The following ANO10 variants were observed in gnomAD, a reference collection of about 807,000 sequenced individuals.
ANO10 encodes the protein anoctamin 10, also known as anoctamin-10.
A neutral mutation model predicts 74.7 loss-of-function variants in ANO10; 77 were observed. The ratio of observed to expected loss-of-function variants is 1.03; its 90% CI spans 0.86 to 1.25. The LOEUF (loss-of-function observed/expected upper bound fraction) is 1.25, where lower values mean the gene tolerates loss of function less well. ANO10 is among the 50% of genes most tolerant of loss of function. The pLI, the probability that ANO10 is intolerant of heterozygous loss-of-function variation, is 0.00. For synonymous variants in ANO10, 279 were observed against 284.9 expected, an observed-to-expected ratio of 0.98 and a Z score of 0.21; for missense variants, 721 against 778.1, an observed-to-expected ratio of 0.93 and a Z score of 0.87.
chr3:43,669,765 C>A (rs186159204), intron 1 of ANO10, among the ~76,000 whole-genome samples: 364 of 152,002 alleles, frequency 2.4e-3, no homozygotes, highest in Non-Finnish European at 3.8e-3. Flanking sequence ...TTTTGCTCAT[C>A]GCCCAGGCCA....
intron 1 of ANO10, among the ~76,000 whole-genome samples, chr3:43,628,385 TCTTTA>T (rs2083512591): frequency 6.6e-6 from 1 of 152,232 alleles, no homozygotes; most frequent in Non-Finnish European, 1.5e-5. Flanking sequence ...CCTATGCCTG[TCTTTA>T]CTTTAATTTC....
chr3:43,615,820 A>C (rs545378986), intron 1 of ANO10, among the ~76,000 whole-genome samples: 1 of 151,834 alleles, frequency 6.6e-6, no homozygotes, highest in African/African-American at 2.4e-5. Context: ...CGCCCAGCTA[A>C]GTTTTTGTAT....
chr3:43,688,149 TTCTC>T (rs577381790), intron 1 of ANO10, among the ~76,000 whole-genome samples: 4 of 151,740 alleles, frequency 2.6e-5, no homozygotes, highest in Non-Finnish European at 4.4e-5. Context: ...AATGGTCTCT[TTCTC>T]TCTTTTTTTC....
At chr3:43,580,129 T>A (rs1575474772) in intron 5 of ANO10, among the ~76,000 whole-genome samples, 1 of 140,798 alleles carries the variant, frequency 7.1e-6, no homozygotes, top group Admixed American at 7.5e-5. Context: ...TGTGACATAG[T>A]GAGACCCTAT....
intron 11 of ANO10, among the ~76,000 whole-genome samples, chr3:43,471,260 A>G (rs144657214): frequency 6.6e-6 from 1 of 152,334 alleles, no homozygotes; most frequent in East Asian, 1.9e-4. Context: ...AAACAGAAAC[A>G]TTAGGAAAAA....
chr3:43,366,843 A>G lies in ANO10; in HGVS notation c.*63T>C, dbSNP rs9874335. ...TGCTGCCCCGGGTACCCCCCCTGCC[A>G]CCGTGGCAGGTGTGGCACAGACACA... On this transcript the variant is annotated 3_prime_UTR_variant, in exon 13 of 13. Transcript: ENST00000292246. 3 of 1,501,426 alleles carry G rather than the reference A, an allele frequency of 2.0e-6. No individual in the cohort carries two copies. The highest frequency in any genetic ancestry group is 2.7e-6 in the Non-Finnish European group (3 of 1,101,940). The allele number at this position is 1,501,426 out of a possible 1,614,324, so 93.0% of individuals were successfully genotyped here. A position where few individuals can be genotyped will look rare whatever the true frequency, so the allele number is the denominator to read the frequency against.
intron 11 of ANO10, among the ~76,000 whole-genome samples, chr3:43,519,024 C>T (rs1047976561): frequency 3.9e-5 from 6 of 152,076 alleles, no homozygotes; most frequent in African/African-American, 9.7e-5. Flanking sequence ...GCTGGTTTTG[C>T]GGCTCAGGGG....
intron 11 of ANO10, among the ~76,000 whole-genome samples, chr3:43,433,706 T>C (rs139935060): frequency 5.7e-4 from 87 of 152,294 alleles, no homozygotes; most frequent in African/African-American, 1.7e-3. Context: ...GCCAATGGTA[T>C]TGCTTCCCTT....
chr3:43,572,263 G>A (rs2080769211), intron 7 of ANO10, among the ~76,000 whole-genome samples: 2 of 152,186 alleles, frequency 1.3e-5, no homozygotes, highest in African/African-American at 4.8e-5. Flanking sequence ...AAGTTTCCTG[G>A]GGAAGTGCTC....
chr3:43,370,311 ACT>A (rs931853777), intron 12 of ANO10, among the ~76,000 whole-genome samples: 2 of 152,046 alleles, frequency 1.3e-5, no homozygotes, highest in Non-Finnish European at 2.9e-5. Flanking sequence ...TGGACCCCAG[ACT>A]CTCTGAATTT....
intron 12 of ANO10, among the ~76,000 whole-genome samples, chr3:43,394,912 A>G (rs1339569221): frequency 3.9e-5 from 6 of 152,120 alleles, no homozygotes; most frequent in Non-Finnish European, 7.3e-5. Context: ...CTAAATTTCC[A>G]TATCTTCTGG....
intron 11 of ANO10, among the ~76,000 whole-genome samples, chr3:43,433,691 A>G (rs1184256973): frequency 6.6e-6 from 1 of 152,188 alleles, no homozygotes; most frequent in African/African-American, 2.4e-5. Flanking sequence ...GAGATGTATA[A>G]TTAAGCCAAT....
rs148048472 is a variant in ANO10 at position 43,592,737 on chromosome 3, C to A, written c.472+5795G>T. ...GCTCCTCGCCAGCAACAGAACAAAG[C>A]TGCACAGAGAATGACTTTGACGAGT... On this transcript the variant is annotated intron_variant, in intron 4 of 12. Transcript: ENST00000292246. 4.5e-3 allele frequency among the ~76,000 whole-genome samples: 683 copies of A among 152,332 alleles called. 3 individuals carry two copies. Among genetic ancestry groups the A allele is most frequent in the Middle Eastern group, 0.014 (4 of 294 alleles).
intron 1 of ANO10, among the ~76,000 whole-genome samples, chr3:43,668,836 C>T (rs1324091189): frequency 2.0e-5 from 3 of 151,994 alleles, no homozygotes; most frequent in Admixed American, 6.6e-5. Context: ...GTACTGTTTT[C>T]TATTTGTTGT....
chr3:43,513,514 T>C (rs1010792272), intron 11 of ANO10, among the ~76,000 whole-genome samples: 1 of 151,764 alleles, frequency 6.6e-6, no homozygotes, highest in Non-Finnish European at 1.5e-5. Context: ...CTTCTATGAA[T>C]TTTTTTTTCT....
intron 1 of ANO10, among the ~76,000 whole-genome samples, chr3:43,663,341 C>A (rs1051192955): frequency 1.3e-5 from 2 of 152,134 alleles, no homozygotes; most frequent in African/African-American, 2.4e-5. Flanking sequence ...AATTCAAGAG[C>A]CTTTCATGCT....
At chr3:43,478,437 A>G (rs2076154287) in intron 11 of ANO10, among the ~76,000 whole-genome samples, 1 of 152,238 alleles carries the variant, frequency 6.6e-6, no homozygotes, top group African/African-American at 2.4e-5. Flanking sequence ...AGGTCTGGAA[A>G]GTAACTTCCC....
intron 7 of ANO10, 101 bp downstream of exon 7, chr3:43,574,708 A>G: frequency 5.4e-6 from 5 of 924,508 alleles, no homozygotes; most frequent in African/African-American, 3.3e-5. Flanking sequence ...AAATATATTG[A>G]TATCTTAGAT....
intron 11 of ANO10, among the ~76,000 whole-genome samples, chr3:43,497,235 A>G (rs752745889): frequency 4.6e-5 from 7 of 152,246 alleles, no homozygotes; most frequent in Non-Finnish European, 8.8e-5. Context: ...TACCTAGCAT[A>G]CAAAAGTCAG....
Sources: gnomAD v4.1 joint callset for allele counts (sites outside exome capture counted in the v4.1 genomes callset) on GRCh38, gnomAD v4.1.1 for gene constraint, MANE v1.5 for transcripts, NCBI Gene and HGNC (gene_info 2026-07-23, HGNC 2026-07-21) for gene names.